Variants in WDPCP observed in about 807,000 individuals in gnomAD.
WDPCP encodes the protein WD repeat-containing and planar cell polarity effector protein fritz homolog.
In WDPCP, 71 loss-of-function variants were observed where a neutral mutation model predicts 93.1. That is an observed-to-expected ratio of 0.76 (90% CI 0.63 to 0.93). The LOEUF is 0.93. Among genes scored for constraint, WDPCP ranks in the 40% least tolerant of loss-of-function variants. WDPCP has a pLI of 0.00. For missense variants in WDPCP, 844 were observed against 887.4 expected (o/e 0.95, Z 0.62); for synonymous variants, 315 against 315.0 (o/e 1.00, Z 0.00).
chr2:63,693,371 C>T (rs1197447695), intron 2 of WDPCP, among the ~76,000 whole-genome samples: 1 of 151,818 alleles, frequency 6.6e-6, no homozygotes, highest in Admixed American at 6.6e-5. Flanking sequence ...ATTAGTGGTA[C>T]AGATAGTAAT....
intron 2 of WDPCP, among the ~76,000 whole-genome samples, chr2:63,745,894 G>A (rs1669789345): frequency 1.3e-5 from 2 of 152,188 alleles, no homozygotes; most frequent in South Asian, 2.1e-4. Flanking sequence ...TTCCCATTAA[G>A]GCAGATGCTG....
At chr2:63,827,240 G>C (rs1671126587) in intron 1 of WDPCP, among the ~76,000 whole-genome samples, 1 of 152,002 alleles carries the variant, frequency 6.6e-6, no homozygotes, top group South Asian at 2.1e-4. Flanking sequence ...CCCTCCTTCT[G>C]ACCCTGTGTC....
Position 63,604,725 on chromosome 2 carries a change from T to C in WDPCP, n.488+45934A>G, listed in dbSNP as rs757643527. ...CTCTTAAACTTGGTGTGACTGCTAA[T>C]GATGTAAAGAATGTCATTATCTGGG... On this transcript the variant is annotated intron_variant and non_coding_transcript_variant, in intron 3 of 4. Coordinates refer to the WDPCP transcript ENST00000467687. The C allele has an allele frequency of 3.1e-6, 5 of 1,614,072 alleles. No homozygotes were observed. The South Asian group carries it at 5.5e-5, about 18-fold the overall frequency.
intron 12 of WDPCP, among the ~76,000 whole-genome samples, chr2:63,334,431 G>C (rs1688207168): frequency 6.6e-6 from 1 of 152,130 alleles, no homozygotes; most frequent in Non-Finnish European, 1.5e-5. Context: ...CATTGGTTCG[G>C]TCCAGAAAGG....
At chr2:63,136,372 G>T (rs996128883) in intron 17 of WDPCP, among the ~76,000 whole-genome samples, 6 of 152,028 alleles carry the variant, frequency 3.9e-5, no homozygotes, top group African/African-American at 1.2e-4. Flanking sequence ...TGGGAAAAAA[G>T]CCCTGCAGGG....
At chr2:63,224,908 G>A (rs1678155690) in intron 14 of WDPCP, among the ~76,000 whole-genome samples, 1 of 151,952 alleles carries the variant, frequency 6.6e-6, no homozygotes, top group Non-Finnish European at 1.5e-5. Flanking sequence ...GGATAATGAT[G>A]TATAAATATA....
chr2:63,378,626 G>T, intron 11 of WDPCP, 117 bp from the exon 12 acceptor site: 1 of 1,412,046 alleles, frequency 7.1e-7, no homozygotes, highest in Non-Finnish European at 9.9e-7. Flanking sequence ...TGAACTTGTT[G>T]CAGGAAAGAT....
At chr2:63,602,625 C>T (rs185759876) in intron 3 of WDPCP, among the ~76,000 whole-genome samples, 2 of 151,306 alleles carry the variant, frequency 1.3e-5, no homozygotes, top group East Asian at 3.9e-4. Context: ...GTAACTGCCC[C>T]CATAGTCAAG....
At chr2:63,293,196 C>A (rs146458473) in intron 13 of WDPCP, among the ~76,000 whole-genome samples, 1 of 152,072 alleles carries the variant, frequency 6.6e-6, no homozygotes, top group Non-Finnish European at 1.5e-5. Context: ...TGCCCCTTTG[C>A]GAACCAAACA....
chr2:63,172,583 A>C (rs1559173274), intron 15 of WDPCP, among the ~76,000 whole-genome samples: 1 of 151,832 alleles, frequency 6.6e-6, no homozygotes, highest in Non-Finnish European at 1.5e-5. Context: ...CCTATGTTCT[A>C]GCTCCCAATA....
At chr2:63,126,666 G>GTTTTTTTTTTTTTT (rs763749429) in intron 17 of WDPCP, among the ~76,000 whole-genome samples, 1 of 98,116 alleles carries the variant, frequency 1.0e-5, no homozygotes, top group Non-Finnish European at 2.1e-5. Context: ...CTTGTTTTGT[G>GTTTTTTTTTTTTTT]TTTTTTTTTT....
At chr2:63,640,779 A>G (rs1709972758) in intron 3 of WDPCP, among the ~76,000 whole-genome samples, 1 of 152,178 alleles carries the variant, frequency 6.6e-6, no homozygotes, top group Admixed American at 6.5e-5. Flanking sequence ...AGAGTAGGGT[A>G]TCCATCCCCT....
chr2:63,274,789 T>C (rs1002025950), intron 13 of WDPCP, among the ~76,000 whole-genome samples: 2 of 152,140 alleles, frequency 1.3e-5, no homozygotes, highest in Non-Finnish European at 2.9e-5. Flanking sequence ...GCGAGTTTTT[T>C]CTTCATTAAC....
chr2:63,127,082 G>T (rs930943858), intron 17 of WDPCP, among the ~76,000 whole-genome samples: 1 of 150,842 alleles, frequency 6.6e-6, no homozygotes, highest in African/African-American at 2.4e-5. Context: ...AAAGTAAATA[G>T]ATCATAAATG....
At chr2:63,175,051 T>A (rs1367549349) in intron 14 of WDPCP, among the ~76,000 whole-genome samples, 3 of 152,178 alleles carry the variant, frequency 2.0e-5, no homozygotes, top group East Asian at 1.9e-4. Context: ...GTATAGATTT[T>A]AAAAAATTCA....
At chr2:63,549,185 G>C (rs1385370089) in intron 1 of WDPCP, among the ~76,000 whole-genome samples, 2 of 148,738 alleles carry the variant, frequency 1.3e-5, no homozygotes, top group Admixed American at 1.3e-4. Flanking sequence ...GGGAGGCGGA[G>C]GCTGCAGTGA....
rs1294110364 is a variant in WDPCP, at chr2:63,267,642, A to AGT, written c.1813-8234_1813-8233insAC. Among the ~76,000 whole-genome samples the AGT allele has an allele frequency of 5.3e-5, 8 of 152,328 alleles. No homozygotes were observed. In the East Asian group the frequency reaches 1.5e-3, roughly 29 times the overall value. On this transcript the variant is annotated intron_variant, in intron 13 of 17. Transcript: ENST00000272321. Reference sequence around the variant, plus strand: ...GAATTCAAACAACTCAATAGTAAGAAAACTCAGTTAAAAGCTGGTAAAAGT... The same window carrying AGT: ...GAATTCAAACAACTCAATAGTAAGAAGTAACTCAGTTAAAAGCTGGTAAAAGT...
At chr2:63,372,106 G>C (rs1691446723) in intron 12 of WDPCP, among the ~76,000 whole-genome samples, 1 of 152,128 alleles carries the variant, frequency 6.6e-6, no homozygotes, top group Admixed American at 6.6e-5. Context: ...ATGGCGGAAG[G>C]CAAAGGGGGA....
At chr2:63,538,956 A>G (rs1024528808) in intron 1 of WDPCP, among the ~76,000 whole-genome samples, 3 of 152,200 alleles carry the variant, frequency 2.0e-5, no homozygotes, top group African/African-American at 7.2e-5. Flanking sequence ...TCAAAACAAT[A>G]TAACACCAGT....
Sources: gnomAD v4.1 joint callset for allele counts (sites outside exome capture counted in the v4.1 genomes callset) on GRCh38, gnomAD v4.1.1 for gene constraint, MANE v1.5 for transcripts, NCBI Gene and HGNC (gene_info 2026-07-23, HGNC 2026-07-21) for gene names.